Variants in FUT8 observed in about 807,000 individuals in gnomAD.
FUT8 encodes the protein alpha-(1,6)-fucosyltransferase.
A neutral mutation model predicts 71.3 loss-of-function variants in FUT8; 29 were observed. That is an observed-to-expected ratio of 0.41 (90% CI 0.30 to 0.55). FUT8 has a LOEUF of 0.55. Ranked by LOEUF, FUT8 falls within the 20% of genes least tolerant of loss-of-function variation. FUT8 has a pLI of 0.34. For synonymous variants in FUT8, 254 were observed against 239.3 expected, an observed-to-expected ratio of 1.06 and a Z score of -0.57; for missense variants, 544 against 702.1, an observed-to-expected ratio of 0.77 and a Z score of 2.55.
At chr14:65,402,350 A>T in the FUT8 span, among the ~76,000 whole-genome samples, 1 of 150,736 alleles carries the variant, frequency 6.6e-6, no homozygotes, top group Non-Finnish European at 1.5e-5. Flanking sequence ...ACAGGCATGC[A>T]CCATCATGCC....
intron 7 of FUT8, among the ~76,000 whole-genome samples, chr14:65,678,643 A>C (rs1184139266): frequency 6.6e-6 from 1 of 152,214 alleles, no homozygotes; most frequent in Admixed American, 6.5e-5. Context: ...AAGCAAAAAT[A>C]GGCCCCTGTG....
At chr14:65,371,417 C>A in the FUT8 span, among the ~76,000 whole-genome samples, 37 of 152,236 alleles carry the variant, frequency 2.4e-4, no homozygotes, top group African/African-American at 8.7e-4. Flanking sequence ...AGATCCCATT[C>A]AAGTTTTAGT....
chr14:65,500,221 G>T (rs1004484974), intron 2 of FUT8, among the ~76,000 whole-genome samples: 1 of 152,078 alleles, frequency 6.6e-6, no homozygotes, highest in African/African-American at 2.4e-5. Flanking sequence ...TCCATTAAGT[G>T]GTTCTCATTC....
chr14:65,415,621 A>C (rs1015248722), intron 1 of FUT8, among the ~76,000 whole-genome samples: 1 of 151,930 alleles, frequency 6.6e-6, no homozygotes, highest in African/African-American at 2.4e-5. Flanking sequence ...GTAGAATCTT[A>C]TATGGGCGAA....
intron 6 of FUT8, among the ~76,000 whole-genome samples, chr14:65,634,656 T>C (rs1382756877): frequency 1.3e-5 from 2 of 152,084 alleles, no homozygotes; most frequent in African/African-American, 2.4e-5. Context: ...TGTAAATAAA[T>C]TTCTGAGTTC....
At chr14:65,544,585 AT>A (rs1361724858) in intron 2 of FUT8, among the ~76,000 whole-genome samples, 1 of 152,146 alleles carries the variant, frequency 6.6e-6, no homozygotes, top group Non-Finnish European at 1.5e-5. Context: ...TTCTAGACCC[AT>A]TTGAGTAGTT....
At chr14:65,578,763 A>G (rs1411280633) in intron 3 of FUT8, among the ~76,000 whole-genome samples, 1 of 152,194 alleles carries the variant, frequency 6.6e-6, no homozygotes, top group Non-Finnish European at 1.5e-5. Flanking sequence ...AATAGATTTC[A>G]ATATATGTAT....
chr14:65,397,055 T>C, the FUT8 span, among the ~76,000 whole-genome samples: 2 of 152,198 alleles, frequency 1.3e-5, no homozygotes, highest in Admixed American at 1.3e-4. This position sits in a 1 kb window ranked among gnomAD's most constrained non-coding sequence, Gnocchi z 4.2. Flanking sequence ...CCTATAGGGT[T>C]GCTCTCCTCA....
chr14:65,468,287 TA>T, intron 2 of FUT8: 2 of 620,534 alleles, frequency 3.2e-6, no homozygotes, highest in Non-Finnish European at 6.1e-6. Context: ...CCATGTTTAC[TA>T]AAAGGCCTAG....
At chr14:65,364,792 G>A in the FUT8 span, among the ~76,000 whole-genome samples, 3 of 152,180 alleles carry the variant, frequency 2.0e-5, no homozygotes, top group African/African-American at 7.2e-5. Flanking sequence ...TCTCCTAATA[G>A]GCCTAAGTCT....
At chr14:65,710,690 T>C (rs1894771625) in intron 7 of FUT8, among the ~76,000 whole-genome samples, 2 of 152,204 alleles carry the variant, frequency 1.3e-5, no homozygotes, top group South Asian at 4.1e-4. Context: ...TGAAGAATCA[T>C]GTCATCACTG....
intron 2 of FUT8, among the ~76,000 whole-genome samples, chr14:65,464,480 T>C (rs977239727): frequency 1.3e-5 from 2 of 152,164 alleles, no homozygotes; most frequent in Non-Finnish European, 2.9e-5. Flanking sequence ...TTAGGTATGG[T>C]GTTTGCTGTA....
intron 6 of FUT8, among the ~76,000 whole-genome samples, chr14:65,646,749 G>A (rs1594855903): frequency 1.3e-5 from 2 of 152,016 alleles, no homozygotes; most frequent in African/African-American, 2.4e-5. Context: ...CTAGCTAAGG[G>A]TAGATTACCA....
In FUT8 at chr14:65,455,619, A is replaced by C. The variant is rs1356675890; in HGVS notation, c.-325-2A>C. On this transcript the variant is annotated splice_acceptor_variant, in intron 1 of 10. Transcript: ENST00000673929. LOFTEE classifies it low-confidence loss of function (5UTR_SPLICE). ...ATTTCATATATTTTTATTTTGTTTC[A>C]GGTTGCTGCTTTTGCTCAGAGGACA... 1 of 398,308 alleles carries C rather than the reference A, an allele frequency of 2.5e-6. No individual in the cohort carries two copies. Among genetic ancestry groups the C allele is most frequent in the East Asian group, 3.6e-5 (1 of 28,008 alleles). 24.7% of individuals were successfully genotyped at this position (398,308 alleles called of 1,614,324 possible).
chr14:65,694,790 A>G (rs1180273280), intron 7 of FUT8, among the ~76,000 whole-genome samples: 1 of 150,972 alleles, frequency 6.6e-6, no homozygotes, highest in Non-Finnish European at 1.5e-5. Flanking sequence ...AACTATCGCA[A>G]GAACAAAAAA....
intron 2 of FUT8, chr14:65,529,275 A>G (rs1187183371): frequency 6.6e-6 from 1 of 151,814 alleles, no homozygotes; most frequent in South Asian, 2.1e-4. Context: ...CTTGTTGCCC[A>G]GGCTGGAGTG....
At chr14:65,373,643 T>C in the FUT8 span, among the ~76,000 whole-genome samples, 7 of 152,118 alleles carry the variant, frequency 4.6e-5, no homozygotes, top group Non-Finnish European at 1.5e-5. Flanking sequence ...GGCAAAATAA[T>C]GAGCCACACC....
rs1491114999 is a variant in FUT8 at position 65,430,027 on chromosome 14, T to TTTTTG, written c.-326+16817_-326+16818insGTTTT. Among the ~76,000 whole-genome samples, 17 of 15,314 alleles carry TTTTTG rather than the reference T, an allele frequency of 1.1e-3. No homozygotes were observed. The South Asian group carries it at 0.058, about 52-fold the overall frequency. 10.0% of individuals were successfully genotyped at this position (15,314 alleles called of 152,430 possible). On this transcript the variant is annotated intron_variant, in intron 1 of 10. Transcript: ENST00000673929. ...TTGCAAGAATCTTTTTTTGTTTTTG[T>TTTTTG]TTTTTTTTTTGAGACAGGGTATCAC...
chr14:65,458,303 T>TA (rs377167828), intron 2 of FUT8: 23 of 152,216 alleles, frequency 1.5e-4, no homozygotes, highest in African/African-American at 5.5e-4. Context: ...TCAAGCCTCA[T>TA]ATAGGTAGCT....
Sources: allele counts gnomAD v4.1 joint callset (sites outside exome capture counted in the v4.1 genomes callset), GRCh38; gene constraint gnomAD v4.1.1; non-coding constraint Gnocchi (gnomAD v3.1); transcripts MANE v1.5; gene names NCBI Gene and HGNC (gene_info 2026-07-23, HGNC 2026-07-21).